Variants in SYTL4 observed in about 807,000 individuals in gnomAD.
SYTL4 encodes the protein synaptotagmin like 4, also known as synaptotagmin-like protein 4.
Under a neutral mutation model 52.7 loss-of-function variants are expected in SYTL4, and 16 were observed. That is an observed-to-expected ratio of 0.30 (90% CI 0.21 to 0.46). The LOEUF (loss-of-function observed/expected upper bound fraction) is 0.46. Ranked by LOEUF, SYTL4 falls within the 20% of genes least tolerant of loss-of-function variation. The probability of loss-of-function intolerance (pLI) is 1.00; values close to 1 mark genes in which losing one functional copy is unlikely to be tolerated. For missense variants in SYTL4, 423 were observed against 519.9 expected (o/e 0.81, Z 1.81); for synonymous variants, 160 against 186.6 (o/e 0.86, Z 1.16).
At position 100,675,562 on chromosome X, in the gene SYTL4, C is replaced by A. The variant is rs1259562682; in HGVS notation, c.*466G>T. On this transcript the variant is annotated 3_prime_UTR_variant, in exon 20 of 20. Coordinates refer to ENST00000372989, the MANE Select transcript of SYTL4 (RefSeq NM_001370165.1). The stretch of plus-strand genomic sequence containing the variant: ...AGGAGAAAGAGGAAGGAACTACTCA[C>A]CTCTCCCCAACATTCCTGTCTTTAC... The A allele has an allele frequency of 8.9e-6, 1 of 112,731 alleles. No homozygotes were observed. The highest frequency in any genetic ancestry group is 1.9e-5 in the Non-Finnish European group (1 of 53,844). The allele number at this position is 112,731 out of a possible 1,213,427, so 9.3% of individuals were successfully genotyped here. A position where few individuals can be genotyped will look rare whatever the true frequency, so the allele number is the denominator to read the frequency against.
intron 2 of SYTL4, among the ~76,000 whole-genome samples, chrX:100,709,338 CAA>C (rs753580673): frequency 7.4e-5 from 6 of 80,828 alleles, no homozygotes; most frequent in African/African-American, 1.6e-4. Flanking sequence ...ACAAAAAATA[CAA>C]AAAAAAAAAA....
intron 3 of SYTL4, among the ~76,000 whole-genome samples, 190 bp from the exon 4 acceptor site, chrX:100,703,375 T>C (rs958193161): frequency 1.8e-5 from 2 of 111,802 alleles, no homozygotes; most frequent in Non-Finnish European, 3.8e-5. Flanking sequence ...GGAAAAAATT[T>C]TTTTTAATTT....
In SYTL4 at chrX:100,681,244, C is replaced by T. The variant is rs1338211801; in HGVS notation, c.1541G>A (p.Gly514Glu). ...KYIPASKTPVGGDRKKSKGGE... is the reference protein window; with the variant it reads ...KYIPASKTPVEGDRKKSKGGE... The stretch of plus-strand genomic sequence containing the variant: ...AAACTCACTCTTTTTCCGGTCACCT[C>T]CAACAGGGGTTTTGGAGGCTGGGAT... Residue 514 changes from glycine to glutamate, a missense_variant, in exon 17 of 20, where the codon GGA becomes GAA. Gly to Glu is a moderately conservative substitution (Grantham distance 98, BLOSUM62 -2). Coordinates refer to ENST00000372989, the MANE Select transcript of SYTL4 (RefSeq NM_001370165.1). The T allele has an allele frequency of 8.3e-7, 1 of 1,210,254 alleles. No homozygotes were observed. Among genetic ancestry groups the T allele is most frequent in the African/African-American group, 1.7e-5 (1 of 57,631 alleles).
At chrX:100,693,102 T>C (rs2083634131) in intron 8 of SYTL4, among the ~76,000 whole-genome samples, 1 of 111,033 alleles carries the variant, frequency 9.0e-6, no homozygotes, top group Admixed American at 9.6e-5. Flanking sequence ...GCTAATTTTT[T>C]TATTTTTAGT....
intron 16 of SYTL4, among the ~76,000 whole-genome samples, chrX:100,682,643 G>A (rs764911165): frequency 9.0e-6 from 1 of 110,646 alleles, no homozygotes. Context: ...GGAGGCGGAG[G>A]TTGCAGTGAG....
intron 2 of SYTL4, among the ~76,000 whole-genome samples, chrX:100,726,113 A>C (rs1244590224): frequency 9.2e-6 from 1 of 108,215 alleles, no homozygotes; most frequent in Non-Finnish European, 1.9e-5. Flanking sequence ...CCCGGAAAAA[A>C]TTCCCCATAC....
At position 100,705,674 on chromosome X, in the gene SYTL4, T is replaced by C. The variant is rs1026242420; in HGVS notation, c.-239-788A>G. Among the ~76,000 whole-genome samples the C allele has an allele frequency of 4.5e-5, 5 of 111,379 alleles. No homozygotes were observed. In the Admixed American group the frequency reaches 4.8e-4, roughly 11 times the overall value. ...GTGCTTGTGGAGAGGCAGCAGAATA[T>C]TGTGATGAGAAAGGCACGTTGGCAT... On this transcript the variant is annotated intron_variant, in intron 2 of 19. Transcript: ENST00000372989.
chrX:100,680,498 C>G (rs1288179493), intron 17 of SYTL4, among the ~76,000 whole-genome samples: 3 of 110,867 alleles, frequency 2.7e-5, no homozygotes, highest in Non-Finnish European at 5.7e-5. Flanking sequence ...GCTCCCACCT[C>G]ATGTCCAACT....
chrX:100,707,562 T>C (rs756030777), intron 2 of SYTL4, among the ~76,000 whole-genome samples: 26 of 112,081 alleles, frequency 2.3e-4, no homozygotes, highest in African/African-American at 6.8e-4. Flanking sequence ...TTATGGTAAA[T>C]AGTACATCAT....
chrX:100,723,094 A>G (rs1427214696), intron 2 of SYTL4, among the ~76,000 whole-genome samples: 2 of 111,729 alleles, frequency 1.8e-5, no homozygotes, highest in African/African-American at 6.5e-5. Flanking sequence ...GAAACTGACT[A>G]GTTATTGTAC....
intron 2 of SYTL4, among the ~76,000 whole-genome samples, chrX:100,714,699 G>C (rs2084164767): frequency 1.8e-5 from 2 of 112,327 alleles, no homozygotes; most frequent in South Asian, 3.7e-4. Flanking sequence ...TTCAGGAACA[G>C]CAATAAAATG....
intron 8 of SYTL4, among the ~76,000 whole-genome samples, chrX:100,691,856 C>T (rs778803464): frequency 3.6e-5 from 4 of 111,464 alleles, no homozygotes; most frequent in Non-Finnish European, 7.5e-5. Context: ...ACTTTTAAAA[C>T]TCTTCAGTGG....
At chrX:100,695,703 T>C (rs2083691417) in intron 8 of SYTL4, among the ~76,000 whole-genome samples, 1 of 112,197 alleles carries the variant, frequency 8.9e-6, no homozygotes, top group African/African-American at 3.2e-5. Flanking sequence ...CTTTTACGCT[T>C]TGAGTAATAA....
intron 8 of SYTL4, among the ~76,000 whole-genome samples, chrX:100,693,806 T>A (rs1433623547): frequency 8.9e-6 from 1 of 112,723 alleles, no homozygotes; most frequent in Non-Finnish European, 1.9e-5. Context: ...CAATGCATGA[T>A]TAGACAAATG....
At chrX:100,690,436 G>A (rs998468303) in intron 10 of SYTL4, 127 bp downstream of exon 10, 1 of 465,639 alleles carries the variant, frequency 2.1e-6, no homozygotes, top group Non-Finnish European at 3.5e-6. Flanking sequence ...AATGGAGGGA[G>A]GGAGGGAAGA....
chrX:100,698,782 A>G (rs2359747), intron 8 of SYTL4, among the ~76,000 whole-genome samples: 30,012 of 111,478 alleles, frequency 0.27, 3,519 homozygotes, highest in East Asian at 0.53. Context: ...AAGTTGTGGT[A>G]TAAGGCCTGG....
At chrX:100,727,963 G>C (rs923084653) in intron 2 of SYTL4, among the ~76,000 whole-genome samples, 1 of 111,596 alleles carries the variant, frequency 9.0e-6, no homozygotes, top group Non-Finnish European at 1.9e-5. Flanking sequence ...ATGTCAAATA[G>C]GTCATTGGAT....
intron 5 of SYTL4, 113 bp downstream of exon 5, chrX:100,701,815 T>G: frequency 1.3e-6 from 1 of 793,413 alleles, no homozygotes; most frequent in Non-Finnish European, 1.8e-6. Context: ...CAATAAGTAG[T>G]GGTAAACATC....
rs1477525375 is a variant in SYTL4 at position 100,675,718 on chromosome X, T to C, written c.*310A>G. On this transcript the variant is annotated 3_prime_UTR_variant, in exon 20 of 20. Coordinates refer to ENST00000372989, the MANE Select transcript of SYTL4 (RefSeq NM_001370165.1). ...AAAAAGTTGTTTTAAAAGCTGTTTT[T>C]AAGTTAAGTGAACCTTATAAAGACA... The C allele has an allele frequency of 2.6e-5, 5 of 195,459 alleles. No homozygotes were observed. Among genetic ancestry groups the C allele is most frequent in the Non-Finnish European group, 4.7e-5 (5 of 107,369 alleles). 16.1% of individuals were successfully genotyped at this position (195,459 alleles called of 1,213,427 possible). A position where few individuals can be genotyped will look rare whatever the true frequency, so the allele number is the denominator to read the frequency against.
Sources: allele counts gnomAD v4.1 joint callset (sites outside exome capture counted in the v4.1 genomes callset), GRCh38; gene constraint gnomAD v4.1.1; transcripts MANE v1.5; gene names NCBI Gene and HGNC (gene_info 2026-07-23, HGNC 2026-07-21).